The following NELFE variants were observed in gnomAD, a reference collection of about 807,000 sequenced individuals.
NELFE encodes the protein negative elongation factor complex member E, also known as negative elongation factor E.
Under a neutral mutation model 55.5 loss-of-function variants are expected in NELFE, and 26 were observed. The observed-to-expected ratio is 0.47, with a 90% CI of 0.34 to 0.65. NELFE has a LOEUF of 0.65. Ranked by LOEUF, NELFE falls within the 30% of genes least tolerant of loss-of-function variation. NELFE has a pLI of 0.01. For missense variants in NELFE, 403 were observed against 506.9 expected (o/e 0.80, Z 1.97); for synonymous variants, 162 against 178.0 (o/e 0.91, Z 0.72).
rs561597700 is a variant in NELFE, at chr6:31,953,232, G to C, written c.1045+497C>G. On this transcript the variant is annotated intron_variant, in intron 10 of 10. Coordinates refer to ENST00000375429, the MANE Select transcript of NELFE (RefSeq NM_002904.6). Reference sequence around the variant, plus strand: ...GCTGGGGACATGTGGGGTGTGAGGTGAACAGTCCTGTTTCCTAACATAGTC... The same window carrying C: ...GCTGGGGACATGTGGGGTGTGAGGTCAACAGTCCTGTTTCCTAACATAGTC... 2.0e-5 allele frequency among the ~76,000 whole-genome samples: 3 copies of C among 152,286 alleles called. No individual in the cohort carries two copies. In the South Asian group the frequency reaches 6.2e-4, roughly 32 times the overall value.
In NELFE at chr6:31,954,153, C is replaced by T. The variant is rs748591344; in HGVS notation, c.888-19G>A. 14 of 1,614,020 alleles carry T rather than the reference C, an allele frequency of 8.7e-6. No individual in the cohort carries two copies. The Middle Eastern group carries it at 9.9e-4, about 114-fold the overall frequency. ...GGCACAGCTGGGATAAGAGAAAACA[C>T]GGTCAGTGGAGAGCCAAGGGGCTCT... On this transcript the variant is annotated intron_variant, in intron 8 of 10. Coordinates refer to ENST00000375429, the MANE Select transcript of NELFE (RefSeq NM_002904.6). The surrounding 1 kb of genome is among the most constrained non-coding windows in gnomAD (Gnocchi z 5.5).
rs2151791958 is a variant in NELFE at position 31,953,786 on chromosome 6, C to A, written c.988G>T (p.Ala330Ser). The change falls in exon 10 of 11, where the codon GCC becomes TCC. Residue 330 changes from alanine (A) to serine (S), a missense_variant. Physicochemically the swap from Ala to Ser is moderately conservative, Grantham distance 99 (BLOSUM62 1). This residue lies in a region of NELFE where 77 missense variants were observed against 123.3 expected (regional missense o/e 0.62). Coordinates refer to ENST00000375429, the MANE Select transcript of NELFE (RefSeq NM_002904.6). Reference protein sequence around the residue: ...VESVQLKVNIARKQPMLDAAT... With the variant: ...VESVQLKVNISRKQPMLDAAT... The stretch of plus-strand genomic sequence containing the variant: ...GCATCCAGCATGGGCTGTTTTCGGG[C>A]TATGTTGACTTTGAGCTGTACAGAC... 6.2e-7 allele frequency: 1 copy of A among 1,613,034 alleles called. No homozygotes were observed. Among genetic ancestry groups the A allele is most frequent in the South Asian group, 1.1e-5 (1 of 91,082 alleles).
chr6:31,955,062 TCATA>T lies in NELFE; in HGVS notation c.397_400del (p.Tyr133ArgfsTer13). 2 of 1,613,148 alleles carry T rather than the reference TCATA, an allele frequency of 1.2e-6. No individual in the cohort carries two copies. The highest frequency in any genetic ancestry group is 1.7e-6 in the Non-Finnish European group (2 of 1,180,036). ...AGCCTTATCTCTACTCTCTAACCTC[TCATA>T]CAGAGATTTCCTCTGGGGACGTCTG... On this transcript the variant is annotated frameshift_variant, in exon 6 of 11. Transcript: ENST00000375429. LOFTEE classifies it high-confidence loss of function.
At position 31,952,125 on chromosome 6, in the gene NELFE, A is replaced by G. The variant is rs976320208; in HGVS notation, c.*176T>C. On this transcript the variant is annotated 3_prime_UTR_variant, in exon 11 of 11. Transcript: ENST00000375429. Reference sequence around the variant, plus strand: ...CTTTTGGGGCAAGGGAGTGGGGAACAGGCACTGGCCATGTTGTTACACTGA... The same window carrying G: ...CTTTTGGGGCAAGGGAGTGGGGAACGGGCACTGGCCATGTTGTTACACTGA... The G allele has an allele frequency of 2.7e-5, 41 of 1,546,388 alleles. No individual in the cohort carries two copies. The highest frequency in any genetic ancestry group is 3.4e-5 in the Non-Finnish European group (38 of 1,123,846).
intron 2 of NELFE, among the ~76,000 whole-genome samples, chr6:31,957,827 G>T (rs1414381364): frequency 6.6e-6 from 1 of 152,200 alleles, no homozygotes; most frequent in Admixed American, 6.5e-5. Flanking sequence ...AAAAGACTGA[G>T]AAATTTGTTG....
intron 4 of NELFE, among the ~76,000 whole-genome samples, chr6:31,955,896 A>G (rs1292669243): frequency 6.6e-6 from 1 of 151,426 alleles, no homozygotes; most frequent in Non-Finnish European, 1.5e-5. Flanking sequence ...CAGCCTCCTC[A>G]GTAACTGGGA....
At chr6:31,957,034 G>A (rs766046229) in intron 2 of NELFE, 24 bp from the exon 3 acceptor site, 2 of 1,579,872 alleles carry the variant, frequency 1.3e-6, no homozygotes, top group South Asian at 2.3e-5. Flanking sequence ...TGAGAAGAGA[G>A]AGGTAAGTGA....
intron 2 of NELFE, chr6:31,957,337 C>T: frequency 1.8e-6 from 1 of 562,494 alleles, no homozygotes; most frequent in East Asian, 4.1e-5. Flanking sequence ...AAGCTTCATC[C>T]ATCTATTTCC....
chr6:31,958,041 A>G (rs995089860), intron 2 of NELFE, among the ~76,000 whole-genome samples: 6 of 152,258 alleles, frequency 3.9e-5, no homozygotes, highest in African/African-American at 1.4e-4. Context: ...TGGAAGATCA[A>G]GAATAGAAAG....
chr6:31,957,617 C>T (rs1772169372), intron 2 of NELFE, among the ~76,000 whole-genome samples: 2 of 152,294 alleles, frequency 1.3e-5, no homozygotes, highest in Middle Eastern at 3.4e-3. Context: ...GGCAAAGATG[C>T]AGAGATAAGA....
In NELFE at chr6:31,958,363, G is replaced by C; in HGVS notation, c.75+9C>G. 6.2e-7 allele frequency: 1 copy of C among 1,611,906 alleles called. No individual in the cohort carries two copies. The highest frequency in any genetic ancestry group is 1.7e-5 in the Admixed American group (1 of 60,026). ...AAAGGTTAGGCCATGTCCACACACA[G>C]TCCCTCACCTTTTTCTTGAGCTTGT... On this transcript the variant is annotated intron_variant, in intron 2 of 10. Coordinates refer to ENST00000375429, the MANE Select transcript of NELFE (RefSeq NM_002904.6).
rs779815880 is a variant in NELFE at position 31,954,752 on chromosome 6, G to T, written c.545C>A (p.Pro182His). The T allele has an allele frequency of 3.1e-6, 5 of 1,613,318 alleles. No homozygotes were observed. The South Asian group carries it at 5.5e-5, about 18-fold the overall frequency. The change falls in exon 7 of 11, where the codon CCT (proline) becomes CAT (histidine). Residue 182 changes from proline (P) to histidine (H), a missense_variant. This residue lies in a region of NELFE where 229 missense variants were observed against 228.3 expected (regional missense o/e 1.00). Transcript: ENST00000375429. The surrounding 1 kb of genome is among the most constrained non-coding windows in gnomAD (Gnocchi z 5.5). The part of the protein sequence containing the change: ...ERSGAHSSAS[P>H]PRSRSRDRSH... ...GCGGTCCCGGCTGCGGCTTCGGGGA[G>T]GGGAGGCTGAGGAGTGGGCACCACT...
At chr6:31,953,696 GA>G in intron 10 of NELFE, 32 bp downstream of exon 10, 1 of 1,547,578 alleles carries the variant, frequency 6.5e-7, no homozygotes, top group South Asian at 1.1e-5. Context: ...GCCTGTGGGG[GA>G]GAGGATGGGA....
At chr6:31,957,285 ATATAAGCTGCAAGTAAG>A (rs1772146358) in intron 2 of NELFE, 3 of 624,358 alleles carry the variant, frequency 4.8e-6, no homozygotes, top group Non-Finnish European at 8.7e-6. Context: ...GAATCCTAGG[ATATAAGCTGCAAGTAAG>A]TATAAGTTTA....
chr6:31,958,176 C>G (rs1309311349), intron 2 of NELFE, 196 bp downstream of exon 2: 2 of 611,870 alleles, frequency 3.3e-6, no homozygotes, highest in African/African-American at 3.7e-5. Flanking sequence ...GAAGACAATC[C>G]ATGGCAAATT....
At chr6:31,957,541 G>A (rs1772164209) in intron 2 of NELFE, 1 of 445,542 alleles carries the variant, frequency 2.2e-6, no homozygotes, top group African/African-American at 2.0e-5. Context: ...TATTAAACTA[G>A]GCCCTCTCCC....
chr6:31,956,628 C>T lies in NELFE; in HGVS notation c.291+65G>A. 3 of 1,526,864 alleles carry T rather than the reference C, an allele frequency of 2.0e-6. No homozygotes were observed. The South Asian group carries it at 3.8e-5, about 19-fold the overall frequency. The allele number at this position is 1,526,864 out of a possible 1,614,324, so 94.6% of individuals were successfully genotyped here. ...CAGTGCTTGAGTATGCATATTTTTC[C>T]CCAAACCCATCTACATTCCAACTTG... On this transcript the variant is annotated intron_variant, in intron 4 of 10. Coordinates refer to ENST00000375429, the MANE Select transcript of NELFE (RefSeq NM_002904.6).
At position 31,956,931 on chromosome 6, in the gene NELFE, T is replaced by C. The variant is rs541697320; in HGVS notation, c.145+10A>G. The C allele has an allele frequency of 1.2e-6, 2 of 1,611,864 alleles. No individual in the cohort carries two copies. Among genetic ancestry groups the C allele is most frequent in the Admixed American group, 3.3e-5 (2 of 60,008 alleles). On this transcript the variant is annotated intron_variant, in intron 3 of 10. Coordinates refer to ENST00000375429, the MANE Select transcript of NELFE (RefSeq NM_002904.6). ...ACTTCCAGTCCATCCCCATTTCCCC[T>C]GTCACTCACAGCGTTTGACACCACC...
At chr6:31,957,118 C>G (rs1772136889) in intron 2 of NELFE, 108 bp from the exon 3 acceptor site, 3 of 945,830 alleles carry the variant, frequency 3.2e-6, no homozygotes, top group Non-Finnish European at 4.8e-6. Context: ...TCTTGATGCC[C>G]TCAGAGTGGT....
Sources: allele counts gnomAD v4.1 joint callset (sites outside exome capture counted in the v4.1 genomes callset), GRCh38; gene constraint gnomAD v4.1.1; regional missense constraint gnomAD v4.1.1; non-coding constraint Gnocchi (gnomAD v3.1); transcripts MANE v1.5; gene names NCBI Gene and HGNC (gene_info 2026-07-23, HGNC 2026-07-21).